Variants in ETFDH observed in about 807,000 individuals in gnomAD.
ETFDH encodes electron transfer flavoprotein dehydrogenase, also known as electron transfer flavoprotein-ubiquinone oxidoreductase, mitochondrial.
Under a neutral mutation model 73.2 loss-of-function variants are expected in ETFDH, and 61 were observed. The ratio of observed to expected loss-of-function variants is 0.83; its 90% CI spans 0.68 to 1.03. ETFDH has a LOEUF of 1.03. Ranked by LOEUF, ETFDH falls within the 50% of genes least tolerant of loss-of-function variation. ETFDH has a pLI of 0.00. For missense variants in ETFDH, 685 were observed against 745.0 expected (o/e 0.92, Z 0.94); for synonymous variants, 243 against 253.3 (o/e 0.96, Z 0.39).
intron 6 of ETFDH, 114 bp from the exon 7 acceptor site, chr4:158,695,383 T>C: frequency 2.9e-6 from 2 of 692,144 alleles, no homozygotes; most frequent in Non-Finnish European, 4.9e-6. Flanking sequence ...TATAATATTA[T>C]ACATTTGCAC....
chr4:158,675,119 A>G (rs1226388461), intron 1 of ETFDH, among the ~76,000 whole-genome samples: 1 of 152,224 alleles, frequency 6.6e-6, no homozygotes, highest in African/African-American at 2.4e-5. Context: ...AATGGTTTTT[A>G]GTATAGTCAG....
intron 5 of ETFDH, among the ~76,000 whole-genome samples, chr4:158,686,279 A>T (rs764843230): frequency 1.3e-5 from 2 of 152,208 alleles, no homozygotes; most frequent in Non-Finnish European, 2.9e-5. Flanking sequence ...CATAAGGGTC[A>T]TAGCTGACAC....
chr4:158,708,260 C>A, intron 12 of ETFDH, 104 bp from the exon 13 acceptor site: 1 of 802,144 alleles, frequency 1.2e-6, no homozygotes, highest in Non-Finnish European at 2.0e-6. Context: ...ATTCAGAAAG[C>A]AACCTTTAAG....
At position 158,682,412 on chromosome 4, in the gene ETFDH, G is replaced by C. The variant is rs1292908960; in HGVS notation, c.393G>C (p.Trp131Cys). 1 of 1,613,588 alleles carries C rather than the reference G, an allele frequency of 6.2e-7. No individual in the cohort carries two copies. The highest frequency in any genetic ancestry group is 1.7e-5 in the Admixed American group (1 of 60,022). The part of the protein sequence containing the change: ...PGAFKELFPD[W>C]KEKGAPLNTP... ...CTTTTAAAGAACTCTTCCCAGACTG[G>C]AAAGAGAAGGGGGTATGAAAAATTG... The change falls in exon 3 of 13, where the codon TGG becomes TGC. Residue 131 changes from tryptophan to cysteine, a missense_variant. Trp to Cys is a radical substitution (Grantham distance 215). This residue lies in a region of ETFDH where 405 missense variants were observed against 399.3 expected (regional missense o/e 1.01). Transcript: ENST00000511912.
chr4:158,683,021 G>A (rs1022944627), intron 3 of ETFDH, among the ~76,000 whole-genome samples: 2 of 152,148 alleles, frequency 1.3e-5, no homozygotes, highest in East Asian at 3.9e-4. Flanking sequence ...TGTATTTTGA[G>A]GGTATTTTTA....
At chr4:158,685,063 TAAA>T (rs778534105) in intron 4 of ETFDH, 35 bp from the exon 5 acceptor site, 1 of 1,224,834 alleles carries the variant, frequency 8.2e-7, no homozygotes, top group East Asian at 2.3e-5. Context: ...GTCTTATCAA[TAAA>T]AAGTCAGATT....
chr4:158,687,671 C>T (rs1774040361), intron 5 of ETFDH, among the ~76,000 whole-genome samples: 2 of 152,148 alleles, frequency 1.3e-5, no homozygotes, highest in South Asian at 4.1e-4. Flanking sequence ...TCCATTAATT[C>T]CCTCAAAGTA....
At chr4:158,703,195 A>C (rs923567081) in intron 9 of ETFDH, among the ~76,000 whole-genome samples, 1 of 152,218 alleles carries the variant, frequency 6.6e-6, no homozygotes, top group African/African-American at 2.4e-5. Flanking sequence ...GAGGATGGAA[A>C]AAGAAAAACT....
Position 158,672,438 on chromosome 4 carries a change from A to C in ETFDH, c.-19A>C. Reference sequence around the variant, plus strand: ...AGTCCTCCTGTTGTGTCCGACCGAGAGTCCTGGTGACTTTGAACATGCTGG... The same window carrying C: ...AGTCCTCCTGTTGTGTCCGACCGAGCGTCCTGGTGACTTTGAACATGCTGG... On this transcript the variant is annotated 5_prime_UTR_variant, in exon 1 of 13. Transcript: ENST00000511912. 6.2e-7 allele frequency: 1 copy of C among 1,614,032 alleles called. No individual in the cohort carries two copies. Among genetic ancestry groups the C allele is most frequent in the Non-Finnish European group, 8.5e-7 (1 of 1,179,928 alleles).
intron 5 of ETFDH, among the ~76,000 whole-genome samples, chr4:158,688,670 C>CT (rs1774076554): frequency 6.6e-6 from 1 of 151,718 alleles, no homozygotes; most frequent in East Asian, 1.9e-4. Context: ...AAGAGTCCAT[C>CT]TCAAAAAAAC....
At chr4:158,680,067 AGAGT>A (rs1399650504) in intron 1 of ETFDH, 1 of 75,478 alleles carries the variant, frequency 1.3e-5, no homozygotes, top group Non-Finnish European at 2.7e-5. Flanking sequence ...CCTGGGTGAC[AGAGT>A]GAGACTCTGT....
At chr4:158,708,084 AG>A (rs1483861604) in intron 12 of ETFDH, among the ~76,000 whole-genome samples, 6 of 152,218 alleles carry the variant, frequency 3.9e-5, no homozygotes, top group Non-Finnish European at 8.8e-5. Flanking sequence ...ACTGTGAATA[AG>A]GGAGGACTTC....
intron 1 of ETFDH, among the ~76,000 whole-genome samples, chr4:158,678,332 T>C (rs549792365): frequency 2.8e-4 from 43 of 152,186 alleles, no homozygotes; most frequent in Non-Finnish European, 4.7e-4. Flanking sequence ...TGGTCGAGCA[T>C]TTTGTAGAAT....
At chr4:158,697,084 CTTT>C (rs1309991596) in intron 7 of ETFDH, among the ~76,000 whole-genome samples, 1 of 151,726 alleles carries the variant, frequency 6.6e-6, no homozygotes, top group Non-Finnish European at 1.5e-5. Flanking sequence ...CACCTGTATT[CTTT>C]TTTATTATTT....
chr4:158,706,831 G>C lies in ETFDH; in HGVS notation c.1671G>C (p.Glu557Asp). 1 of 1,606,628 alleles carries C rather than the reference G, an allele frequency of 6.2e-7. No individual in the cohort carries two copies. Among genetic ancestry groups the C allele is most frequent in the Non-Finnish European group, 8.5e-7 (1 of 1,173,282 alleles). Residue 557 changes from glutamate to aspartate, a missense_variant, in exon 12 of 13, where the codon GAG (glutamate) becomes GAC (aspartate). By Grantham distance (45) the Glu-to-Asp change is conservative. Around this residue, in one of 3 missense-constraint regions of ETFDH, gnomAD observed 201 missense variants for 225.2 expected, o/e 0.89. Transcript: ENST00000511912. ...NRNLSIYDGP[E>D]QRFCPAGVYE... ...ATCTGTCGATATATGATGGGCCCGA[G>C]CAGCGATTCTGTCCTGCAGGTAATA...
At chr4:158,704,322 GGAGA>G (rs1475838414) in intron 10 of ETFDH, among the ~76,000 whole-genome samples, 4 of 152,124 alleles carry the variant, frequency 2.6e-5, no homozygotes, top group Admixed American at 2.0e-4. Context: ...CTGCTGTGGT[GGAGA>G]GAAACAGCCA....
In ETFDH at chr4:158,682,314, C is replaced by CGT. The variant is rs796051962; in HGVS notation, c.302_303dup (p.Leu102ValfsTer2). On this transcript the variant is annotated frameshift_variant, in exon 3 of 13. Transcript: ENST00000511912. LOFTEE classifies it high-confidence loss of function. Reference sequence around the variant, plus strand: ...GGCTGTGGCACATGAAAAGGACATCCGTGTGTGTCTAGTGGAGAAAGCTGC... The same window carrying CGT: ...GGCTGTGGCACATGAAAAGGACATCCGTGTGTGTGTCTAGTGGAGAAAGCTGC... 4 of 1,614,120 alleles carry CGT rather than the reference C, an allele frequency of 2.5e-6. No individual in the cohort carries two copies. Among genetic ancestry groups the CGT allele is most frequent in the Non-Finnish European group, 3.4e-6 (4 of 1,180,012 alleles).
Position 158,708,605 on chromosome 4 carries a change from T to A in ETFDH, c.*78T>A. On this transcript the variant is annotated 3_prime_UTR_variant, in exon 13 of 13. Coordinates refer to ENST00000511912, the MANE Select transcript of ETFDH (RefSeq NM_004453.4). ...AGAGATTAACAGATTTCAGAATGTC[T>A]TTCTGCATATTACTGAACAGAATAG... The A allele has an allele frequency of 1.7e-6, 2 of 1,158,076 alleles. No individual in the cohort carries two copies. The highest frequency in any genetic ancestry group is 2.6e-6 in the Non-Finnish European group (2 of 769,452). 71.7% of individuals were successfully genotyped at this position (1,158,076 alleles called of 1,614,324 possible). A position where few individuals can be genotyped will look rare whatever the true frequency, so the allele number is the denominator to read the frequency against.
rs1561242337 is a variant in ETFDH, at chr4:158,689,613, TA to T, written c.607-734del. Reference sequence around the variant, plus strand: ...AAACCTTCATATATATATATATATATATATATATATATATATATATATATTG... The same window carrying T: ...AAACCTTCATATATATATATATATATTATATATATATATATATATATATTG... On this transcript the variant is annotated intron_variant, in intron 5 of 12. Coordinates refer to ENST00000511912, the MANE Select transcript of ETFDH (RefSeq NM_004453.4). Among the ~76,000 whole-genome samples, 52 of 98,646 alleles carry T rather than the reference TA, an allele frequency of 5.3e-4. 3 individuals are homozygous for T. Among genetic ancestry groups the T allele is most frequent in the East Asian group, 8.3e-4 (3 of 3,600 alleles). 64.7% of individuals were successfully genotyped at this position (98,646 alleles called of 152,430 possible).
Sources: gnomAD v4.1 joint callset for allele counts (sites outside exome capture counted in the v4.1 genomes callset) on GRCh38, gnomAD v4.1.1 for gene constraint, gnomAD v4.1.1 regional missense constraint, MANE v1.5 for transcripts, NCBI Gene and HGNC (gene_info 2026-07-23, HGNC 2026-07-21) for gene names.